The following RBM39 variants were observed in gnomAD, a reference collection of about 807,000 sequenced individuals.
RBM39 encodes RNA-binding protein 39.
In RBM39, 12 loss-of-function variants were observed where a neutral mutation model predicts 79.6. The observed-to-expected ratio is 0.15, with a 90% CI of 0.10 to 0.24. The LOEUF is 0.24. RBM39 is among the 10% of genes least tolerant of loss of function. RBM39 has a pLI of 1.00. For missense variants in RBM39, 243 were observed against 653.4 expected (o/e 0.37, Z 6.85); for synonymous variants, 185 against 208.4 (o/e 0.89, Z 0.97).
chr20:35,741,079 G>T (rs1297567753), intron 1 of RBM39, among the ~76,000 whole-genome samples, 192 bp from the exon 2 acceptor site: 3 of 113,556 alleles, frequency 2.6e-5, no homozygotes, highest in African/African-American at 6.9e-5. Flanking sequence ...TAGTTGCCCA[G>T]GCTGAAGTGC....
chr20:35,714,314 C>G lies in RBM39; in HGVS notation c.967G>C (p.Val323Leu). Residue 323 changes from valine (V) to leucine (L), a missense_variant, in exon 11 of 17, where the codon GTT becomes CTT. Physicochemically the swap from Val to Leu is conservative, Grantham distance 32 (BLOSUM62 1). Coordinates refer to ENST00000253363, the MANE Select transcript of RBM39 (RefSeq NM_184234.3). ...TCAGTACGTTCAGTAACATGACCAACTTTCATTGGTCTTCCTGCTAGTTCA... is the reference window on the plus strand; with the variant it reads ...TCAGTACGTTCAGTAACATGACCAAGTTTCATTGGTCTTCCTGCTAGTTCA... Reference protein sequence around the residue: ...GFELAGRPMKVGHVTERTDAS... With the variant: ...GFELAGRPMKLGHVTERTDAS... The G allele has an allele frequency of 6.2e-7, 1 of 1,614,130 alleles. No homozygotes were observed. The highest frequency in any genetic ancestry group is 8.5e-7 in the Non-Finnish European group (1 of 1,180,012).
rs1230258060 is a variant in RBM39 at position 35,725,041 on chromosome 20, T to C, written c.531A>G (p.Gly177=). Residue 177 remains glycine (G), a synonymous_variant, in exon 7 of 17, where the codon GGA becomes GGG. Coordinates refer to ENST00000253363, the MANE Select transcript of RBM39 (RefSeq NM_184234.3). ...RDLEEFFSTV[G]KVRDVRMISD... is the part of the protein sequence containing the mutation. The stretch of plus-strand genomic sequence containing the variant: ...TCCCTAAACAGGTTAAGATTACCTT[T>C]CCTACTGTAGAGAAAAACTCTTCCA... 1 of 1,605,602 alleles carries C rather than the reference T, an allele frequency of 6.2e-7. No individual in the cohort carries two copies. The highest frequency in any genetic ancestry group is 1.7e-5 in the Admixed American group (1 of 59,660).
intron 4 of RBM39, among the ~76,000 whole-genome samples, chr20:35,730,065 T>C (rs2039201656): frequency 6.6e-6 from 1 of 152,276 alleles, no homozygotes; most frequent in African/African-American, 2.4e-5. Context: ...AACTTAGGTA[T>C]TTCCCCATTC....
intron 3 of RBM39, chr20:35,734,992 G>A: frequency 6.2e-7 from 1 of 1,611,034 alleles, no homozygotes; most frequent in South Asian, 1.1e-5. Flanking sequence ...GGACTTTTTG[G>A]TTATATGGCC....
At chr20:35,720,811 G>A (rs964552307) in intron 9 of RBM39, among the ~76,000 whole-genome samples, 4 of 152,130 alleles carry the variant, frequency 2.6e-5, no homozygotes, top group Admixed American at 6.5e-5. Flanking sequence ...GATCAGAAGT[G>A]GGTCACATAC....
rs751837362 is a variant in RBM39 at position 35,704,490 on chromosome 20, A to G, written c.1584T>C (p.Ser528=). 2 of 1,607,582 alleles carry G rather than the reference A, an allele frequency of 1.2e-6. No individual in the cohort carries two copies. The highest frequency in any genetic ancestry group is 2.2e-5 in the East Asian group (1 of 44,844). ...SMTATQLLVP[S]RR ...GGGACTATATCTTCCTTCATCGTCT[A>G]CTTGGAACCAGTAGCTGTGTTGCTG... The change falls in exon 17 of 17, where the codon AGT becomes AGC. Residue 528 remains serine, a synonymous_variant. Transcript: ENST00000253363.
chr20:35,731,711 ATAGT>A, intron 4 of RBM39: 1 of 549,214 alleles, frequency 1.8e-6, no homozygotes, highest in Non-Finnish European at 3.2e-6. Flanking sequence ...AGAAACTCTG[ATAGT>A]TTAACAGAAA....
intron 12 of RBM39, among the ~76,000 whole-genome samples, chr20:35,711,537 C>T (rs1181095892): frequency 2.6e-5 from 4 of 152,126 alleles, no homozygotes; most frequent in African/African-American, 4.8e-5. Context: ...AAACTGGCTT[C>T]GCTGTCAGAA....
intron 6 of RBM39, among the ~76,000 whole-genome samples, chr20:35,728,164 A>C (rs1056279694): frequency 6.6e-6 from 1 of 152,224 alleles, no homozygotes; most frequent in South Asian, 2.1e-4. Context: ...TCAAATCACT[A>C]AGACTTCTGA....
intron 9 of RBM39, among the ~76,000 whole-genome samples, chr20:35,717,863 C>CTTTTT (rs56755932): frequency 2.0e-5 from 3 of 146,758 alleles, no homozygotes; most frequent in Non-Finnish European, 4.5e-5. Context: ...AAGAAAGGAA[C>CTTTTT]TTTTTTTTTT....
At chr20:35,731,456 C>A (rs986979591) in intron 4 of RBM39, 7 of 154,454 alleles carry the variant, frequency 4.5e-5, no homozygotes, top group Admixed American at 4.5e-4. Context: ...AACAAATTCA[C>A]AACTGGCCTG....
chr20:35,705,359 T>G (rs924830845), intron 14 of RBM39, 29 bp from the exon 15 acceptor site: 6 of 1,230,400 alleles, frequency 4.9e-6, no homozygotes, highest in Non-Finnish European at 7.0e-6. Flanking sequence ...GACTCTTAAA[T>G]ACTATTGAAA....
At chr20:35,734,131 C>T (rs2039660459) in intron 3 of RBM39, 15 of 1,091,406 alleles carry the variant, frequency 1.4e-5, no homozygotes, top group South Asian at 7.0e-5. Context: ...CCTCAGAGAA[C>T]CTGTAAGCAG....
At chr20:35,729,408 G>T (rs2039119964) in intron 5 of RBM39, 43 bp from the exon 6 acceptor site, 1 of 1,605,824 alleles carries the variant, frequency 6.2e-7, no homozygotes, top group Non-Finnish European at 8.5e-7. Context: ...AACAAGTACA[G>T]CATGTTAGTT....
chr20:35,734,176 A>G, intron 3 of RBM39: 1 of 1,294,390 alleles, frequency 7.7e-7, no homozygotes, highest in Non-Finnish European at 1.0e-6. Flanking sequence ...TAGAAAATGA[A>G]GACACCCACC....
At chr20:35,715,928 C>CA (rs2037069185) in intron 10 of RBM39, among the ~76,000 whole-genome samples, 1 of 152,194 alleles carries the variant, frequency 6.6e-6, no homozygotes, top group Non-Finnish European at 1.5e-5. Flanking sequence ...CAAGCAATAA[C>CA]AAGTAAAGGC....
chr20:35,711,988 G>A lies in RBM39; in HGVS notation c.1174+1031C>T, dbSNP rs563182199. On this transcript the variant is annotated intron_variant, in intron 12 of 16. Coordinates refer to ENST00000253363, the MANE Select transcript of RBM39 (RefSeq NM_184234.3). Reference sequence around the variant, plus strand: ...AATGTCTGTGATCCCAGCTATGTGGGAGGCTGAGGCACCAGAATTCCTTGA... The same window carrying A: ...AATGTCTGTGATCCCAGCTATGTGGAAGGCTGAGGCACCAGAATTCCTTGA... Among the ~76,000 whole-genome samples, 6 of 152,278 alleles carry A rather than the reference G, an allele frequency of 3.9e-5. No individual in the cohort carries two copies. In the East Asian group the frequency reaches 1.2e-3, roughly 29 times the overall value.
chr20:35,705,546 C>G, intron 14 of RBM39: 1 of 392,996 alleles, frequency 2.5e-6, no homozygotes, highest in South Asian at 3.2e-5. Flanking sequence ...GCCTGTAATC[C>G]CAGCACTTTG....
In RBM39 at chr20:35,742,194, A is replaced by T. The variant is rs1166901920; in HGVS notation, c.-267T>A. ...CGGCAGCTCAGGATCCACCCCTGCG[A>T]CAGCGTCGACAAGCTCCCTGAAATG... is the stretch of plus-strand genomic sequence containing the variant. On this transcript the variant is annotated 5_prime_UTR_variant, in exon 1 of 17. Transcript: ENST00000253363. The T allele has an allele frequency of 1.3e-5, 2 of 158,126 alleles. No homozygotes were observed. The highest frequency in any genetic ancestry group is 1.9e-4 in the East Asian group (1 of 5,216). The allele number at this position is 158,126 out of a possible 1,614,324, so 9.8% of individuals were successfully genotyped here. A position where few individuals can be genotyped will look rare whatever the true frequency, so the allele number is the denominator to read the frequency against.
Sources: allele counts gnomAD v4.1 joint callset (sites outside exome capture counted in the v4.1 genomes callset), GRCh38; gene constraint gnomAD v4.1.1; transcripts MANE v1.5; gene names NCBI Gene and HGNC (gene_info 2026-07-23, HGNC 2026-07-21).